Variants in EPHA7 observed in about 807,000 individuals in gnomAD.
The protein encoded by EPHA7 is EPH receptor A7, also known as ephrin type-A receptor 7.
In EPHA7, 25 loss-of-function variants were observed where a neutral mutation model predicts 112.6. The ratio of observed to expected loss-of-function variants is 0.22; its 90% CI spans 0.16 to 0.31. The LOEUF (loss-of-function observed/expected upper bound fraction) is 0.31. EPHA7 is among the 10% of genes least tolerant of loss of function. The pLI is 1.00. For missense variants in EPHA7, 962 were observed against 1,212.6 expected (o/e 0.79, Z 3.07); for synonymous variants, 437 against 406.5 (o/e 1.07, Z -0.90).
intron 1 of EPHA7, among the ~76,000 whole-genome samples, chr6:93,418,563 G>A (rs1456014970): frequency 1.3e-5 from 2 of 152,218 alleles, no homozygotes; most frequent in African/African-American, 4.8e-5. Context: ...ATGACCGCTG[G>A]GCCCGACGCG....
chr6:93,346,336 C>A (rs1323542437), intron 5 of EPHA7, among the ~76,000 whole-genome samples: 1 of 151,692 alleles, frequency 6.6e-6, no homozygotes, highest in East Asian at 1.9e-4. Flanking sequence ...TCTGTCTCCA[C>A]AATGCTACCG....
chr6:93,412,351 A>T (rs1376439493), intron 2 of EPHA7, among the ~76,000 whole-genome samples: 1 of 152,136 alleles, frequency 6.6e-6, no homozygotes, highest in African/African-American at 2.4e-5. Context: ...TGATTTGAGT[A>T]TTGATTTATT....
At chr6:93,296,483 C>CACACAT (rs1484270435) in intron 5 of EPHA7, among the ~76,000 whole-genome samples, 68 of 147,006 alleles carry the variant, frequency 4.6e-4, no homozygotes, top group African/African-American at 1.6e-3. Flanking sequence ...ATATAATACA[C>CACACAT]ACACACACAC....
intron 5 of EPHA7, among the ~76,000 whole-genome samples, chr6:93,323,483 T>C (rs552182407): frequency 2.3e-4 from 35 of 151,638 alleles, no homozygotes; most frequent in Admixed American, 8.6e-4. Context: ...AATGTGCATG[T>C]TTATTGTACA....
rs535965639 is a variant in EPHA7, at chr6:93,415,297, G to T, written c.98-530C>A. The stretch of plus-strand genomic sequence containing the variant: ...AATGAATACAGAAATGTTAAAAACT[G>T]TTAAGCAATGTTATCAGAAAACCAA... On this transcript the variant is annotated intron_variant, in intron 1 of 16. Coordinates refer to ENST00000369303, the MANE Select transcript of EPHA7 (RefSeq NM_004440.4). 2.6e-5 allele frequency among the ~76,000 whole-genome samples: 4 copies of T among 152,018 alleles called. No individual in the cohort carries two copies. In the South Asian group the frequency reaches 8.3e-4, roughly 32 times the overall value.
chr6:93,359,854 TAGAGAGAGAGAGAGAGAG>T (rs57690732), intron 3 of EPHA7, among the ~76,000 whole-genome samples: 2 of 125,234 alleles, frequency 1.6e-5, no homozygotes, highest in Non-Finnish European at 3.4e-5. Context: ...CAATAGATGA[TAGAGAGAGAGAGAGAGAG>T]AGAGATAGAT....
At chr6:93,250,246 C>G (rs1463352569) in intron 14 of EPHA7, among the ~76,000 whole-genome samples, 1 of 152,050 alleles carries the variant, frequency 6.6e-6, no homozygotes, top group African/African-American at 2.4e-5. Context: ...ACAAAACCAG[C>G]CAATAGGAGC....
chr6:93,245,112 A>G (rs1032172), intron 16 of EPHA7, among the ~76,000 whole-genome samples, 186 bp downstream of exon 16: 63,737 of 152,106 alleles, frequency 0.42, 14,664 homozygotes, highest in South Asian at 0.69. Flanking sequence ...AAGGTTAAAA[A>G]GGTAATATGT....
chr6:93,414,985 TG>T (rs1779155812), intron 1 of EPHA7, among the ~76,000 whole-genome samples: 2 of 152,054 alleles, frequency 1.3e-5, no homozygotes, highest in Admixed American at 1.3e-4. Flanking sequence ...ATATTTGGTA[TG>T]CTTTAATTAC....
intron 5 of EPHA7, among the ~76,000 whole-genome samples, chr6:93,310,732 C>T (rs34879298): frequency 1.3e-5 from 2 of 151,972 alleles, no homozygotes; most frequent in South Asian, 4.2e-4. Flanking sequence ...AGCATTATAT[C>T]TAAAATCTTC....
chr6:93,404,859 T>G (rs944566183), intron 3 of EPHA7, among the ~76,000 whole-genome samples: 2 of 151,828 alleles, frequency 1.3e-5, no homozygotes, highest in Non-Finnish European at 2.9e-5. Context: ...CTGTATTTAT[T>G]GAATGCCTTC....
Position 93,410,432 on chromosome 6 carries a change from A to T in EPHA7, c.832+69T>A. ...AGATTCACGTATTCAAATAACTATT[A>T]AAGTTTAAAATGTCTGATACTGAAA... On this transcript the variant is annotated intron_variant, in intron 3 of 16. Transcript: ENST00000369303. The surrounding 1 kb of genome is among the most constrained non-coding windows in gnomAD (Gnocchi z 4.0). The T allele has an allele frequency of 1.4e-6, 2 of 1,390,016 alleles. No homozygotes were observed. Among genetic ancestry groups the T allele is most frequent in the Non-Finnish European group, 2.0e-6 (2 of 1,011,910 alleles). 86.1% of individuals were successfully genotyped at this position (1,390,016 alleles called of 1,614,324 possible).
chr6:93,412,816 G>A (rs531902467), intron 2 of EPHA7, among the ~76,000 whole-genome samples: 4 of 152,034 alleles, frequency 2.6e-5, no homozygotes, highest in Non-Finnish European at 5.9e-5. Flanking sequence ...AGAAACCAAA[G>A]CTAATTATTT....
rs149641768 is a variant in EPHA7, at chr6:93,330,319, T to A, written c.1324+26398A>T. 3.3e-5 allele frequency among the ~76,000 whole-genome samples: 5 copies of A among 151,388 alleles called. No homozygotes were observed. The East Asian group carries it at 7.8e-4, about 23-fold the overall frequency. ...TGGGAACATTCAGAATCCTCTCTTCTAGCTATTTGAAAATATAAAATAAAT... is the reference window on the plus strand; with the variant it reads ...TGGGAACATTCAGAATCCTCTCTTCAAGCTATTTGAAAATATAAAATAAAT... On this transcript the variant is annotated intron_variant, in intron 5 of 16. Coordinates refer to ENST00000369303, the MANE Select transcript of EPHA7 (RefSeq NM_004440.4).
At chr6:93,362,674 C>A (rs571398265) in intron 3 of EPHA7, among the ~76,000 whole-genome samples, 1 of 152,168 alleles carries the variant, frequency 6.6e-6, no homozygotes, top group South Asian at 2.1e-4. Context: ...TTGCATTATG[C>A]AGTCAGTGGA....
At chr6:93,348,288 G>A (rs974306875) in intron 5 of EPHA7, among the ~76,000 whole-genome samples, 7 of 151,600 alleles carry the variant, frequency 4.6e-5, no homozygotes, top group African/African-American at 1.5e-4. Flanking sequence ...TAGCCTTAAA[G>A]CTGTCACCAA....
intron 5 of EPHA7, among the ~76,000 whole-genome samples, chr6:93,309,398 G>A (rs545998450): frequency 5.3e-5 from 8 of 152,214 alleles, no homozygotes; most frequent in African/African-American, 9.6e-5. Context: ...ATGCTGATAT[G>A]AAGAAATTAT....
chr6:93,360,726 C>T (rs1776221216), intron 3 of EPHA7, among the ~76,000 whole-genome samples: 1 of 152,072 alleles, frequency 6.6e-6, no homozygotes, highest in Non-Finnish European at 1.5e-5. Flanking sequence ...TATCACTTAA[C>T]TTTCAAATTA....
chr6:93,405,100 A>G (rs920836373), intron 3 of EPHA7, among the ~76,000 whole-genome samples: 2 of 151,892 alleles, frequency 1.3e-5, no homozygotes, highest in Non-Finnish European at 2.9e-5. Context: ...GACAGAACAA[A>G]AGATCACCCA....
Sources: allele counts gnomAD v4.1 joint callset (sites outside exome capture counted in the v4.1 genomes callset), GRCh38; gene constraint gnomAD v4.1.1; non-coding constraint Gnocchi (gnomAD v3.1); transcripts MANE v1.5; gene names NCBI Gene and HGNC (gene_info 2026-07-23, HGNC 2026-07-21).